CRLS1: variants seen among roughly 807,000 people sequenced by gnomAD.
The protein encoded by CRLS1 is cardiolipin synthase 1.
In CRLS1, 24 loss-of-function variants were observed where a neutral mutation model predicts 37.0. The observed-to-expected ratio is 0.65, with a 90% confidence interval of 0.47 to 0.91. CRLS1 has a LOEUF of 0.91. Among genes scored for constraint, CRLS1 ranks in the 40% least tolerant of loss-of-function variants. CRLS1 has a pLI of 0.00. For missense variants in CRLS1, 373 were observed against 395.8 expected (o/e 0.94, Z 0.49); for synonymous variants, 135 against 159.7 (o/e 0.85, Z 1.17).
chr20:6,032,443 C>A (rs1020603959), intron 5 of CRLS1, among the ~76,000 whole-genome samples: 5 of 150,762 alleles, frequency 3.3e-5, no homozygotes, highest in Non-Finnish European at 5.9e-5. Context: ...AAGCAATTCT[C>A]CTGCCTTGGG....
chr20:6,032,025 A>G lies in CRLS1; in HGVS notation c.674A>G (p.Lys225Arg), dbSNP rs769946056. Residue 225 changes from lysine to arginine, a missense_variant, in exon 5 of 7, where the codon AAG becomes AGG. By Grantham distance (26) the Lys-to-Arg change is conservative. Transcript: ENST00000378863. Reference protein sequence around the residue: ...RTLPTPRTLAKYFNPCYATAR... With the variant: ...RTLPTPRTLARYFNPCYATAR... ...GTCCTCTGCCAGCGAACACTTGCCAAGTATTTCAATCCTTGCTATGCCACT... is the reference window on the plus strand; with the variant it reads ...GTCCTCTGCCAGCGAACACTTGCCAGGTATTTCAATCCTTGCTATGCCACT... The G allele has an allele frequency of 1.6e-5, 26 of 1,612,608 alleles. No individual in the cohort carries two copies. Among genetic ancestry groups the G allele is most frequent in the Non-Finnish European group, 2.2e-5 (26 of 1,178,982 alleles).
chr20:6,032,581 A>G (rs1980248514), intron 5 of CRLS1, among the ~76,000 whole-genome samples: 1 of 152,170 alleles, frequency 6.6e-6, no homozygotes, highest in Non-Finnish European at 1.5e-5. Context: ...TGAAAATACC[A>G]AATGGCTGTT....
intron 5 of CRLS1, among the ~76,000 whole-genome samples, chr20:6,032,850 G>A (rs890531698): frequency 2.6e-5 from 4 of 152,040 alleles, no homozygotes; most frequent in Non-Finnish European, 5.9e-5. Flanking sequence ...GGGAGAGAAG[G>A]GTAGTTGCTT....
chr20:6,030,222 A>G (rs1447081252), intron 3 of CRLS1, among the ~76,000 whole-genome samples: 1 of 152,086 alleles, frequency 6.6e-6, no homozygotes, highest in African/African-American at 2.4e-5. Context: ...ATATAAAGTG[A>G]AGCAAGTTCT....
chr20:6,031,014 A>G (rs1980125109), intron 3 of CRLS1: 2 of 306,334 alleles, frequency 6.5e-6, no homozygotes, highest in Admixed American at 5.1e-5. Context: ...AAAAACACAA[A>G]CAGATGAGAA....
intron 1 of CRLS1, chr20:6,007,559 G>GA: frequency 2.6e-6 from 2 of 783,600 alleles, no homozygotes; most frequent in Non-Finnish European, 4.2e-6. Flanking sequence ...CAGCAACATT[G>GA]AGTTCTGTTT....
intron 2 of CRLS1, among the ~76,000 whole-genome samples, chr20:6,014,950 G>C (rs1345983971): frequency 6.6e-6 from 1 of 152,102 alleles, no homozygotes; most frequent in Non-Finnish European, 1.5e-5. Context: ...ACAGAAAAAT[G>C]GTAAGTTTTA....
chr20:6,033,492 TAGAAC>T (rs1395415370), intron 5 of CRLS1, among the ~76,000 whole-genome samples: 1 of 152,186 alleles, frequency 6.6e-6, no homozygotes, highest in Admixed American at 6.5e-5. Context: ...GAACGGGTGA[TAGAAC>T]AGAGGTGCTC....
At chr20:6,016,501 A>G (rs1978764240) in intron 3 of CRLS1, among the ~76,000 whole-genome samples, 1 of 151,562 alleles carries the variant, frequency 6.6e-6, no homozygotes, top group Non-Finnish European at 1.5e-5. Context: ...GCTGGTCTCG[A>G]ACTTCTGGGA....
At chr20:6,018,884 C>T (rs992105877) in intron 3 of CRLS1, among the ~76,000 whole-genome samples, 2 of 152,138 alleles carry the variant, frequency 1.3e-5, no homozygotes, top group African/African-American at 4.8e-5. Flanking sequence ...AGCTGCAATT[C>T]CTGGTATAAA....
At chr20:6,035,303 G>C (rs1485706002) in intron 6 of CRLS1, among the ~76,000 whole-genome samples, 1 of 152,048 alleles carries the variant, frequency 6.6e-6, no homozygotes, top group Non-Finnish European at 1.5e-5. Context: ...ATAGGATGAA[G>C]GCTTTTTGAG....
chr20:6,025,369 A>C (rs1399724519), intron 3 of CRLS1, among the ~76,000 whole-genome samples: 1 of 152,250 alleles, frequency 6.6e-6, no homozygotes, highest in Non-Finnish European at 1.5e-5. Context: ...TGTTTACAAC[A>C]TGATGTGCTG....
At chr20:6,036,189 ATCC>A (rs1980536554) in intron 6 of CRLS1, among the ~76,000 whole-genome samples, 1 of 152,128 alleles carries the variant, frequency 6.6e-6, no homozygotes, top group Non-Finnish European at 1.5e-5. Context: ...GCCTCAAACA[ATCC>A]TCCTGCCTCG....
At chr20:6,021,723 T>G (rs146690557) in intron 3 of CRLS1, among the ~76,000 whole-genome samples, 1,624 of 152,338 alleles carry the variant, frequency 0.011, 18 homozygotes, top group Non-Finnish European at 0.017. Context: ...GATTGATAGA[T>G]GTTTCATTCA....
At chr20:6,034,639 C>G (rs1980418302) in intron 6 of CRLS1, 84 bp downstream of exon 6, 12 of 1,000,454 alleles carry the variant, frequency 1.2e-5, no homozygotes, top group Non-Finnish European at 1.5e-5. Context: ...GTTCTTACAG[C>G]ATTTGTTGAG....
Position 6,037,192 on chromosome 20 carries a change from G to GTATA in CRLS1, c.*35_*38dup. The GTATA allele has an allele frequency of 2.0e-6, 3 of 1,507,468 alleles. No homozygotes were observed. Among genetic ancestry groups the GTATA allele is most frequent in the Non-Finnish European group, 2.8e-6 (3 of 1,084,876 alleles). The allele number at this position is 1,507,468 out of a possible 1,614,324, so 93.4% of individuals were successfully genotyped here. A position where few individuals can be genotyped will look rare whatever the true frequency, so the allele number is the denominator to read the frequency against. On this transcript the variant is annotated 3_prime_UTR_variant, in exon 7 of 7. Coordinates refer to ENST00000378863, the MANE Select transcript of CRLS1 (RefSeq NM_019095.6). ...ATCCCTCACTGTTAGTAAGGAAGCA[G>GTATA]TATACATCAATGGGAACAGGGCCCA...
intron 2 of CRLS1, among the ~76,000 whole-genome samples, chr20:6,010,617 C>T (rs956661618): frequency 6.6e-6 from 1 of 152,180 alleles, no homozygotes; most frequent in Non-Finnish European, 1.5e-5. Context: ...TTCAGATGAT[C>T]TCAAATTAGA....
intron 1 of CRLS1, among the ~76,000 whole-genome samples, chr20:6,009,342 G>C (rs1029516470): frequency 8.2e-5 from 12 of 146,238 alleles, no homozygotes; most frequent in African/African-American, 2.5e-4. Flanking sequence ...AAAAAAAAAA[G>C]AGAAAAGGAA....
rs543242542 is a variant in CRLS1, at chr20:6,032,013, G to A, written c.662G>A (p.Arg221Gln). ...TTATCTTTTTTGGTCCTCTGCCAGC[G>A]AACACTTGCCAAGTATTTCAATCCT... ...YVRYRTLPTPRTLAKYFNPCY... is the reference protein window; with the variant it reads ...YVRYRTLPTPQTLAKYFNPCY... Residue 221 changes from arginine to glutamine, a missense_variant and splice_region_variant, in exon 5 of 7, where the codon CGA (arginine) becomes CAA (glutamine). By Grantham distance (43) the Arg-to-Gln change is conservative. Transcript: ENST00000378863. 39 of 1,610,888 alleles carry A rather than the reference G, an allele frequency of 2.4e-5. No homozygotes were observed. The highest frequency in any genetic ancestry group is 2.3e-4 in the South Asian group (21 of 90,684).
Sources: allele counts gnomAD v4.1 joint callset (sites outside exome capture counted in the v4.1 genomes callset), GRCh38; gene constraint gnomAD v4.1.1; transcripts MANE v1.5; gene names NCBI Gene and HGNC (gene_info 2026-07-23, HGNC 2026-07-21).